Variants in CTNS observed in about 807,000 individuals in gnomAD.
The protein encoded by CTNS is cystinosin, lysosomal cystine transporter, also known as cystinosin.
Under a neutral mutation model 43.7 loss-of-function variants are expected in CTNS, and 27 were observed. The ratio of observed to expected loss-of-function variants is 0.62; its 90% CI spans 0.46 to 0.85. CTNS has a LOEUF of 0.85. Among genes scored for constraint, CTNS ranks in the 40% least tolerant of loss-of-function variants. CTNS has a pLI of 0.00. For missense variants in CTNS, 457 were observed against 475.4 expected, an observed-to-expected ratio of 0.96 and a Z score of 0.36; for synonymous variants, 187 against 190.6, an observed-to-expected ratio of 0.98 and a Z score of 0.16.
chr17:3,649,077 G>C, intron 5 of CTNS, 146 bp downstream of exon 5: 1 of 738,504 alleles, frequency 1.4e-6, no homozygotes, highest in Non-Finnish European at 2.4e-6. Context: ...GGTGTCTTTT[G>C]GGGATGAGTA....
intron 3 of CTNS, among the ~76,000 whole-genome samples, chr17:3,641,923 G>A (rs1236404599): frequency 6.6e-6 from 1 of 152,142 alleles, no homozygotes; most frequent in Non-Finnish European, 1.5e-5. Flanking sequence ...GGAACCTGGT[G>A]TTTCTTAATA....
intron 5 of CTNS, among the ~76,000 whole-genome samples, chr17:3,654,640 C>T (rs2076078465): frequency 2.0e-5 from 3 of 149,698 alleles, no homozygotes; most frequent in Admixed American, 1.3e-4. Flanking sequence ...GAGATCACTC[C>T]ACTACACTCC....
chr17:3,656,774 C>G lies in CTNS; in HGVS notation c.660C>G (p.Ile220Met), dbSNP rs369227591. Reference sequence around the variant, plus strand: ...CGGTTGTCCTCACGCTGATCATCATCGTGCAGTGCTGCCTGTATGAGGTGA... The same window carrying G: ...CGGTTGTCCTCACGCTGATCATCATGGTGCAGTGCTGCCTGTATGAGGTGA... ...LHAVVLTLII[I>M]VQCCLYERGG... The change falls in exon 9 of 12, where the codon ATC becomes ATG. Residue 220 changes from isoleucine (I) to methionine (M), a missense_variant. Ile to Met is a conservative substitution (Grantham distance 10). Coordinates refer to ENST00000046640, the MANE Select transcript of CTNS (RefSeq NM_004937.3). 1 of 1,613,380 alleles carries G rather than the reference C, an allele frequency of 6.2e-7. No homozygotes were observed. The highest frequency in any genetic ancestry group is 1.1e-5 in the South Asian group (1 of 91,084).
At chr17:3,650,126 T>C (rs1188172445) in intron 5 of CTNS, 6 of 1,544,620 alleles carry the variant, frequency 3.9e-6, no homozygotes. Flanking sequence ...TCACGTTATA[T>C]ACTGCAAATA....
chr17:3,644,006 G>C (rs2075785123), intron 3 of CTNS, among the ~76,000 whole-genome samples: 1 of 152,118 alleles, frequency 6.6e-6, no homozygotes, highest in Admixed American at 6.6e-5. Context: ...CTCTCTTTAG[G>C]AGGAACTCAG....
Position 3,660,547 on chromosome 17 carries a change from G to T in CTNS, c.*178G>T. ...CATTCAATAGCCTGCCTTCGTCCGG[G>T]CCCCTCCTGGGCCTCCCCGGCCAGG... On this transcript the variant is annotated 3_prime_UTR_variant, in exon 12 of 12. Transcript: ENST00000046640. 1 of 1,612,758 alleles carries T rather than the reference G, an allele frequency of 6.2e-7. No individual in the cohort carries two copies. The highest frequency in any genetic ancestry group is 8.5e-7 in the Non-Finnish European group (1 of 1,179,980).
intron 7 of CTNS, chr17:3,655,626 A>G: frequency 2.4e-6 from 1 of 408,562 alleles, no homozygotes; most frequent in South Asian, 2.1e-5. Context: ...CGGGGGAGGG[A>G]GGGCAGTCCA....
At chr17:3,638,059 T>C (rs540324998) in intron 2 of CTNS, among the ~76,000 whole-genome samples, 3 of 152,222 alleles carry the variant, frequency 2.0e-5, no homozygotes, top group Non-Finnish European at 4.4e-5. Flanking sequence ...GGGAAGGGAC[T>C]GAATGGGTGA....
intron 9 of CTNS, 173 bp downstream of exon 9, chr17:3,656,968 A>C: frequency 9.8e-7 from 1 of 1,020,564 alleles, no homozygotes. Flanking sequence ...GAGCCCCCCA[A>C]GTCTGGGGTG....
chr17:3,655,462 G>C, intron 7 of CTNS, 110 bp downstream of exon 7: 7 of 1,510,586 alleles, frequency 4.6e-6, no homozygotes, highest in Non-Finnish European at 6.4e-6. Context: ...CCTTCTGTCT[G>C]CCTACCCTTT....
Position 3,661,417 on chromosome 17 carries a change from A to AG in CTNS, c.*1052dup, listed in dbSNP as rs71379527. 22,897 of 151,306 alleles carry AG rather than the reference A, an allele frequency of 0.15. 2,110 individuals are homozygous for AG. Among genetic ancestry groups the AG allele is most frequent in the East Asian group, 0.21 (1,066 of 5,118 alleles). 9.4% of individuals were successfully genotyped at this position (151,306 alleles called of 1,614,324 possible). A position where few individuals can be genotyped will look rare whatever the true frequency, so the allele number is the denominator to read the frequency against. On this transcript the variant is annotated 3_prime_UTR_variant, in exon 12 of 12. Coordinates refer to ENST00000046640, the MANE Select transcript of CTNS (RefSeq NM_004937.3). The stretch of plus-strand genomic sequence containing the variant: ...CCAAAGCTGTCCTTCCTATGGCAGG[A>AG]GGGGTGGGGGTCCCAGGACGTGCCT...
chr17:3,658,969 TG>T (rs35189484), intron 10 of CTNS, among the ~76,000 whole-genome samples: 31,594 of 133,954 alleles, frequency 0.24, 3,509 homozygotes, highest in East Asian at 0.27. Context: ...TCCCGGGAGC[TG>T]GGGGGGGCTT....
At chr17:3,639,003 G>C (rs764790688) in intron 2 of CTNS, among the ~76,000 whole-genome samples, 10 of 152,146 alleles carry the variant, frequency 6.6e-5, no homozygotes, top group Non-Finnish European at 1.5e-4. Context: ...GGCCAACAGA[G>C]GTCAGACAGC....
chr17:3,637,721 C>T (rs1358209278), intron 2 of CTNS, among the ~76,000 whole-genome samples: 1 of 152,194 alleles, frequency 6.6e-6, no homozygotes, highest in Non-Finnish European at 1.5e-5. Context: ...CTCACCTCGG[C>T]CTCCCAAAGT....
chr17:3,651,382 C>T (rs1321237487), intron 5 of CTNS, among the ~76,000 whole-genome samples: 4 of 152,130 alleles, frequency 2.6e-5, no homozygotes, highest in Non-Finnish European at 4.4e-5. Context: ...GGAGCCACCA[C>T]GCCTGGCCAA....
At chr17:3,638,886 C>G (rs1394795510) in intron 2 of CTNS, among the ~76,000 whole-genome samples, 1 of 152,150 alleles carries the variant, frequency 6.6e-6, no homozygotes, top group African/African-American at 2.4e-5. Flanking sequence ...AAGAGCAAGG[C>G]CCCCAGAGGA....
rs778251737 is a variant in CTNS at position 3,658,192 on chromosome 17, G to A, written c.852+17G>A. 2 of 1,611,816 alleles carry A rather than the reference G, an allele frequency of 1.2e-6. No homozygotes were observed. The highest frequency in any genetic ancestry group is 1.7e-6 in the Non-Finnish European group (2 of 1,179,856). On this transcript the variant is annotated intron_variant, in intron 10 of 11. Transcript: ENST00000046640. ...TTTCCACAGGTACCTCCAGGGCCCT[G>A]TTCACATGGCCGGTGGCAGGAGAGG...
At chr17:3,651,553 AG>A (rs1189841010) in intron 5 of CTNS, among the ~76,000 whole-genome samples, 1 of 152,218 alleles carries the variant, frequency 6.6e-6, no homozygotes, top group African/African-American at 2.4e-5. Context: ...AGGGGTTCCG[AG>A]GACTTGGGAA....
rs771990787 is a variant in CTNS, at chr17:3,655,246, C to T, written c.355C>T (p.Arg119Cys). 10 of 1,614,200 alleles carry T rather than the reference C, an allele frequency of 6.2e-6. No homozygotes were observed. Among genetic ancestry groups the T allele is most frequent in the Middle Eastern group, 3.3e-4 (2 of 6,062 alleles). The stretch of plus-strand genomic sequence containing the variant: ...CCCGAGGATACGCTTTCTTGTGATC[C>T]GCAGCAGCGCCATTAGCATCATAAA... ...TGPRIRFLVI[R>C]SSAISIINQV... is the part of the protein sequence containing the mutation. The change falls in exon 7 of 12, where the codon CGC becomes TGC. Residue 119 changes from arginine (R) to cysteine (C), a missense_variant. Coordinates refer to ENST00000046640, the MANE Select transcript of CTNS (RefSeq NM_004937.3).
Sources: allele counts gnomAD v4.1 joint callset (sites outside exome capture counted in the v4.1 genomes callset), GRCh38; gene constraint gnomAD v4.1.1; transcripts MANE v1.5; gene names NCBI Gene and HGNC (gene_info 2026-07-23, HGNC 2026-07-21).